DNAH7: variants seen among roughly 807,000 people sequenced by gnomAD.
The protein encoded by DNAH7 is axonemal beta dynein heavy chain 7.
A neutral mutation model predicts 444.6 loss-of-function variants in DNAH7; 397 were observed. The ratio of observed to expected loss-of-function variants is 0.89; its 90% CI spans 0.82 to 0.97. DNAH7 has a LOEUF of 0.97. Among genes scored for constraint, DNAH7 ranks in the 50% least tolerant of loss-of-function variants. The probability of loss-of-function intolerance (pLI) is 0.00; values close to 1 mark genes in which losing one functional copy is unlikely to be tolerated. For synonymous variants in DNAH7, 1,636 were observed against 1,624.4 expected, an observed-to-expected ratio of 1.01 and a Z score of -0.17; for missense variants, 4,902 against 4,800.8, an observed-to-expected ratio of 1.02 and a Z score of -0.62.
chr2:195,967,688 G>A (rs114674438), intron 17 of DNAH7, among the ~76,000 whole-genome samples: 2,033 of 152,276 alleles, frequency 0.013, 27 homozygotes, highest in South Asian at 0.037. Context: ...GGCCTGTAAG[G>A]TTCCCACTGA....
chr2:195,749,751 G>A (rs138130476), intron 63 of DNAH7, among the ~76,000 whole-genome samples: 281 of 149,218 alleles, frequency 1.9e-3, no homozygotes, highest in African/African-American at 6.5e-3. Flanking sequence ...CAAACACCGC[G>A]TATTCTCACT....
chr2:196,001,925 T>A, intron 10 of DNAH7, 67 bp from the exon 11 acceptor site: 1 of 1,301,812 alleles, frequency 7.7e-7, no homozygotes, highest in Non-Finnish European at 1.0e-6. Flanking sequence ...TATTAAGCAT[T>A]AACACTAATT....
rs1286638987 is a variant in DNAH7, at chr2:195,794,418, C to A, written c.10636G>T (p.Gly3546Cys). ...GATCGAATGATATTAGCCCGTAAACCTTTTGGTGCTTCATTGGTCATTTTC... is the reference window on the plus strand; with the variant it reads ...GATCGAATGATATTAGCCCGTAAACATTTTGGTGCTTCATTGGTCATTTTC... ...GVKMTNEAPK[G>C]LRANIIRSYL... The change falls in exon 57 of 65, where the codon GGT becomes TGT. Residue 3546 changes from glycine (G) to cysteine (C), a missense_variant. Coordinates refer to ENST00000312428, the MANE Select transcript of DNAH7 (RefSeq NM_018897.3). The A allele has an allele frequency of 6.2e-7, 1 of 1,614,124 alleles. No homozygotes were observed. The highest frequency in any genetic ancestry group is 1.1e-5 in the South Asian group (1 of 91,084).
In DNAH7 at chr2:195,853,425, A is replaced by C. The variant is rs1421597779; in HGVS notation, c.8699T>G (p.Leu2900Arg). 2.1e-5 allele frequency: 34 copies of C among 1,614,026 alleles called. No individual in the cohort carries two copies. Among genetic ancestry groups the C allele is most frequent in the Non-Finnish European group, 2.8e-5 (33 of 1,180,034 alleles). The stretch of plus-strand genomic sequence containing the variant: ...GATATCCCCAGTCAAGTTGATGTAC[A>C]GCTGACCTAGCTCCAGAGCTGTGTG... ...WSHTALELGQ[L>R]YINLTGDILI... is the part of the protein sequence containing the mutation. Residue 2900 changes from leucine to arginine, a missense_variant, in exon 46 of 65, where the codon CTG (leucine) becomes CGG (arginine). Leu to Arg is a moderately radical substitution (Grantham distance 102, BLOSUM62 -2). Transcript: ENST00000312428.
At position 195,771,692 on chromosome 2, in the gene DNAH7, C is replaced by A. The variant is rs768232823; in HGVS notation, c.11401G>T (p.Asp3801Tyr). The A allele has an allele frequency of 1.1e-5, 18 of 1,613,960 alleles. No individual in the cohort carries two copies. The East Asian group carries it at 4.0e-4, about 36-fold the overall frequency. The change falls in exon 61 of 65, where the codon GAT becomes TAT. Residue 3801 changes from aspartate to tyrosine, a missense_variant. Physicochemically the swap from Asp to Tyr is radical, Grantham distance 160. Coordinates refer to ENST00000312428, the MANE Select transcript of DNAH7 (RefSeq NM_018897.3). ...RFNKLLKTIRDSCVNIQKAIK... is the reference protein window; with the variant it reads ...RFNKLLKTIRYSCVNIQKAIK... ...GCTTTTTGAATATTTACGCACGAAT[C>A]TCTTATGGTCTTCAGTAACTTATTG...
At chr2:196,001,087 G>A (rs1425917437) in intron 11 of DNAH7, among the ~76,000 whole-genome samples, 3 of 152,032 alleles carry the variant, frequency 2.0e-5, no homozygotes, top group African/African-American at 4.8e-5. Flanking sequence ...GGGACTACAG[G>A]TCAACTACAG....
At chr2:195,974,649 CCAACTA>C (rs1174874797) in intron 15 of DNAH7, among the ~76,000 whole-genome samples, 4 of 151,976 alleles carry the variant, frequency 2.6e-5, no homozygotes, top group Admixed American at 2.0e-4. Context: ...GTTTAACTCT[CCAACTA>C]CATTTATAAT....
chr2:195,806,696 T>C (rs1350668444), intron 54 of DNAH7, 44 bp downstream of exon 54: 12 of 1,553,546 alleles, frequency 7.7e-6, no homozygotes, highest in Non-Finnish European at 1.1e-5. Flanking sequence ...TGAGCAGGCA[T>C]AAGGCTTTGG....
chr2:195,890,615 C>A lies in DNAH7; in HGVS notation c.5046+1040G>T, dbSNP rs139382787. The stretch of plus-strand genomic sequence containing the variant: ...TTGTGGCAAGATAGGACCTAAGAAG[C>A]CACATCAAGGGTTCCAGAGCTCTGT... On this transcript the variant is annotated intron_variant, in intron 31 of 64. Transcript: ENST00000312428. Among the ~76,000 whole-genome samples, 566 of 152,216 alleles carry A rather than the reference C, an allele frequency of 3.7e-3. 3 individuals are homozygous for A. The highest frequency in any genetic ancestry group is 6.7e-3 in the Non-Finnish European group (454 of 68,006).
At chr2:195,995,860 G>C (rs1398993752) in intron 12 of DNAH7, among the ~76,000 whole-genome samples, 2 of 152,170 alleles carry the variant, frequency 1.3e-5, no homozygotes, top group African/African-American at 4.8e-5. Flanking sequence ...GCTCAAGATT[G>C]CTTTGGCTAT....
intron 12 of DNAH7, among the ~76,000 whole-genome samples, chr2:195,992,693 G>T (rs1409193710): frequency 1.3e-5 from 2 of 152,102 alleles, no homozygotes; most frequent in East Asian, 3.9e-4. Flanking sequence ...CCAAAAAATG[G>T]ATTGAAGGTA....
At position 196,067,747 on chromosome 2, in the gene DNAH7, C is replaced by T. The variant is rs1429748841; in HGVS notation, c.15+950G>A. 6.6e-5 allele frequency among the ~76,000 whole-genome samples: 10 copies of T among 152,028 alleles called. No individual in the cohort carries two copies. The South Asian group carries it at 2.1e-3, about 32-fold the overall frequency. On this transcript the variant is annotated intron_variant, in intron 1 of 64. Transcript: ENST00000312428. ...TAAATTCTAACACTACCGAAAAAAG[C>T]ATTATAAAGCAATAAAAAAGAAATA... is the stretch of plus-strand genomic sequence containing the variant.
At chr2:195,852,891 T>C (rs1402634987) in intron 46 of DNAH7, among the ~76,000 whole-genome samples, 1 of 139,052 alleles carries the variant, frequency 7.2e-6, no homozygotes, top group East Asian at 2.1e-4. Context: ...GCTGATGAAG[T>C]ACACACACAC....
chr2:195,780,454 A>C (rs1335105587), intron 58 of DNAH7, among the ~76,000 whole-genome samples: 3 of 152,180 alleles, frequency 2.0e-5, no homozygotes, highest in Non-Finnish European at 4.4e-5. Flanking sequence ...ATATTTAAAA[A>C]TATTTTATGC....
intron 5 of DNAH7, 57 bp from the exon 6 acceptor site, chr2:196,028,104 A>G (rs1483817749): frequency 7.3e-7 from 1 of 1,361,514 alleles, no homozygotes; most frequent in African/African-American, 1.5e-5. Flanking sequence ...TAGAACATAA[A>G]ACAATGGATA....
At chr2:195,799,954 T>C (rs985505287) in intron 54 of DNAH7, among the ~76,000 whole-genome samples, 2 of 152,168 alleles carry the variant, frequency 1.3e-5, no homozygotes, top group South Asian at 2.1e-4. Context: ...GACAAAACTA[T>C]GTTGTGTAGA....
At chr2:195,928,389 A>G (rs747478504) in intron 21 of DNAH7, among the ~76,000 whole-genome samples, 8 of 152,218 alleles carry the variant, frequency 5.3e-5, no homozygotes, top group Non-Finnish European at 1.0e-4. Context: ...ATTATCAGAT[A>G]TACATAAAAT....
rs2124957313 is a variant in DNAH7 at position 195,834,326 on chromosome 2, G to C, written c.8980C>G (p.Gln2994Glu). The change falls in exon 48 of 65, where the codon CAA becomes GAA. Residue 2994 changes from glutamine (Q) to glutamate (E), a missense_variant. Transcript: ENST00000312428. Reference protein sequence around the residue: ...ARRWPLMIDPQSQANKWIKNM... With the variant: ...ARRWPLMIDPESQANKWIKNM... ...TTGATCCATTTATTAGCCTGACTTT[G>C]AGGATCTATCATCAGAGGCCACCTT... 6.2e-7 allele frequency: 1 copy of C among 1,603,862 alleles called. No homozygotes were observed. Among genetic ancestry groups the C allele is most frequent in the African/African-American group, 1.3e-5 (1 of 74,910 alleles).
At chr2:195,950,674 C>T (rs1042004287) in intron 19 of DNAH7, among the ~76,000 whole-genome samples, 5 of 151,664 alleles carry the variant, frequency 3.3e-5, no homozygotes, top group East Asian at 1.9e-4. Flanking sequence ...TGGTGAAACC[C>T]CATCTCTACT....
Sources: allele counts gnomAD v4.1 joint callset (sites outside exome capture counted in the v4.1 genomes callset), GRCh38; gene constraint gnomAD v4.1.1; transcripts MANE v1.5; gene names NCBI Gene and HGNC (gene_info 2026-07-23, HGNC 2026-07-21).